Variants in SPRY3 observed in about 807,000 individuals in gnomAD.
SPRY3 encodes the protein sprouty RTK signaling antagonist 3.
In SPRY3, 15 loss-of-function variants were observed where a neutral mutation model predicts 20.2. The observed-to-expected ratio is 0.74, with a 90% CI of 0.50 to 1.14. The LOEUF is 1.14. SPRY3 is among the 50% of genes most tolerant of loss of function. SPRY3 has a pLI of 0.00. For missense variants in SPRY3, 364 were observed against 363.9 expected, an observed-to-expected ratio of 1.00 and a Z score of 0.00; for synonymous variants, 143 against 136.5, an observed-to-expected ratio of 1.05 and a Z score of -0.33.
intron 2 of SPRY3, among the ~76,000 whole-genome samples, chrX:155,752,598 A>G (rs919453944): frequency 8.6e-5 from 13 of 151,790 alleles, no homozygotes. Context: ...GAAAAAATGG[A>G]CAAAGAACAA....
At chrX:155,688,568 A>G (rs1184729267) in intron 2 of SPRY3, among the ~76,000 whole-genome samples, 10 of 111,124 alleles carry the variant, frequency 9.0e-5, no homozygotes. Flanking sequence ...CTTTTTAATA[A>G]TAGCCATTGT....
chrX:155,721,642 G>A (rs2091058960), intron 2 of SPRY3, among the ~76,000 whole-genome samples: 1 of 151,832 alleles, frequency 6.6e-6, no homozygotes, highest in African/African-American at 2.4e-5. Context: ...AGGAGAGAGT[G>A]GCATGATATA....
At chrX:155,715,681 G>T (rs1602958121) in intron 2 of SPRY3, among the ~76,000 whole-genome samples, 1 of 150,318 alleles carries the variant, frequency 6.7e-6, no homozygotes, top group Non-Finnish European at 1.5e-5. Flanking sequence ...TCCTTTCAAG[G>T]ACCCTATTGC....
intron 1 of SPRY3, among the ~76,000 whole-genome samples, chrX:155,641,096 C>T (rs2067938674): frequency 9.0e-6 from 1 of 110,915 alleles, no homozygotes; most frequent in East Asian, 2.8e-4. Context: ...AGATATATTC[C>T]GTCTATACCC....
intron 2 of SPRY3, among the ~76,000 whole-genome samples, chrX:155,754,540 G>C (rs992904334): frequency 2.0e-5 from 3 of 151,816 alleles, no homozygotes; most frequent in African/African-American, 7.3e-5. Context: ...CTTTTATTTT[G>C]TTCTTCCTTT....
At chrX:155,747,576 C>T (rs937328619) in intron 2 of SPRY3, among the ~76,000 whole-genome samples, 82 of 151,912 alleles carry the variant, frequency 5.4e-4, no homozygotes, top group African/African-American at 1.9e-3. Flanking sequence ...TCCCAAATAT[C>T]AGTGCCAAAA....
intron 1 of SPRY3, among the ~76,000 whole-genome samples, chrX:155,615,451 C>T (rs1557348775): frequency 1.8e-5 from 2 of 111,673 alleles, no homozygotes; most frequent in Non-Finnish European, 3.8e-5. Flanking sequence ...TTGTGAACTT[C>T]GATTTATCAA....
chrX:155,697,955 G>A (rs1483700621), intron 2 of SPRY3, among the ~76,000 whole-genome samples: 1 of 110,905 alleles, frequency 9.0e-6, no homozygotes, highest in African/African-American at 3.3e-5. Flanking sequence ...CCTTACAGAG[G>A]CTTACTCAAA....
chrX:155,709,348 T>G (rs1275852178), intron 2 of SPRY3, among the ~76,000 whole-genome samples: 1 of 151,756 alleles, frequency 6.6e-6, no homozygotes, highest in Non-Finnish European at 1.5e-5. Flanking sequence ...GTCTGTCTTT[T>G]GGATATAAGC....
At chrX:155,709,962 G>A (rs1391128572) in intron 2 of SPRY3, among the ~76,000 whole-genome samples, 4 of 151,712 alleles carry the variant, frequency 2.6e-5, no homozygotes. Flanking sequence ...CAGAAAGTGA[G>A]TTCACTGTAG....
chrX:155,685,380 T>C (rs1569562613), intron 2 of SPRY3, among the ~76,000 whole-genome samples: 1 of 110,796 alleles, frequency 9.0e-6, no homozygotes, highest in Admixed American at 9.6e-5. Context: ...CATGTAGTAA[T>C]ATTTGTTTGT....
chrX:155,655,884 G>T, intron 1 of SPRY3, among the ~76,000 whole-genome samples: 1 of 112,194 alleles, frequency 8.9e-6, no homozygotes, highest in East Asian at 2.8e-4. Flanking sequence ...GGCTGGATAT[G>T]AAATTCTGGG....
intron 3 of SPRY3, among the ~76,000 whole-genome samples, chrX:155,772,862 T>C (rs2091389594): frequency 6.6e-6 from 1 of 152,110 alleles, no homozygotes; most frequent in African/African-American, 2.4e-5. Context: ...AGAAAAGAAG[T>C]CCAAGCAGAT....
At chrX:155,707,964 T>C (rs1160568664) in intron 2 of SPRY3, among the ~76,000 whole-genome samples, 1 of 151,300 alleles carries the variant, frequency 6.6e-6, no homozygotes, top group East Asian at 1.9e-4. Context: ...TAATATTTTC[T>C]ACATGTGTCA....
intron 2 of SPRY3, among the ~76,000 whole-genome samples, chrX:155,692,913 CTTT>C (rs752927544): frequency 1.3e-3 from 143 of 111,114 alleles, no homozygotes; most frequent in African/African-American, 4.6e-3. Flanking sequence ...TTTTCTCTCT[CTTT>C]TATTTTCTTG....
chrX:155,758,120 G>A (rs983719056), intron 2 of SPRY3, among the ~76,000 whole-genome samples: 7 of 152,266 alleles, frequency 4.6e-5, no homozygotes, highest in African/African-American at 1.7e-4. Context: ...TGTGAGTAAT[G>A]AGAGGATGAA....
intron 2 of SPRY3, among the ~76,000 whole-genome samples, chrX:155,720,482 G>C (rs1160508692): frequency 1.3e-5 from 2 of 152,118 alleles, no homozygotes; most frequent in Non-Finnish European, 2.9e-5. Context: ...AGTTATAGCA[G>C]GCCTTGGTCA....
intron 2 of SPRY3, among the ~76,000 whole-genome samples, chrX:155,723,946 T>C (rs1040957866): frequency 1.3e-5 from 2 of 152,194 alleles, no homozygotes; most frequent in African/African-American, 4.8e-5. Flanking sequence ...TAATCCATCT[T>C]GAATTAATTT....
chrX:155,660,761 C>T (rs2068007156), intron 2 of SPRY3, among the ~76,000 whole-genome samples: 1 of 108,512 alleles, frequency 9.2e-6, no homozygotes. Context: ...ATTCCTTTAT[C>T]ATATATATAC....
Sources: allele counts gnomAD v4.1 joint callset (sites outside exome capture counted in the v4.1 genomes callset), GRCh38; gene constraint gnomAD v4.1.1; transcripts MANE v1.5; gene names NCBI Gene and HGNC (gene_info 2026-07-23, HGNC 2026-07-21).